Variants in JUND observed in about 807,000 individuals in gnomAD.
JUND encodes transcription factor JunD.
Under a neutral mutation model 7.1 loss-of-function variants are expected in JUND, and 2 were observed. The ratio of observed to expected loss-of-function variants is 0.28; its 90% CI spans 0.11 to 0.88. JUND has a LOEUF of 0.88. Ranked by LOEUF, JUND falls within the 40% of genes least tolerant of loss-of-function variation. JUND has a pLI of 0.60. For synonymous variants in JUND, 335 were observed against 263.2 expected (o/e 1.27, Z -2.64); for missense variants, 479 against 519.1 (o/e 0.92, Z 0.75).
rs1229631119 is a variant in JUND, at chr19:18,281,517, G to A, written c.-33C>T. The A allele has an allele frequency of 1.1e-5, 13 of 1,193,136 alleles. No individual in the cohort carries two copies. In the Admixed American group the frequency reaches 4.1e-4, roughly 37 times the overall value. The allele number at this position is 1,193,136 out of a possible 1,614,324, so 73.9% of individuals were successfully genotyped here. On this transcript the variant is annotated 5_prime_UTR_variant, in exon 1 of 1. Coordinates refer to ENST00000252818, the MANE Select transcript of JUND (RefSeq NM_005354.6). ...CTCCCCCGCCGCGCCGGCCCGGGGG[G>A]GAGTGGCCGCGGCCTCCCGGGGGGC...
Position 18,281,452 on chromosome 19 carries a change from C to G in JUND, c.33G>C (p.Leu11=), listed in dbSNP as rs1230445348. 7.3e-7 allele frequency: 1 copy of G among 1,370,078 alleles called. No individual in the cohort carries two copies. The highest frequency in any genetic ancestry group is 1.5e-5 in the African/African-American group (1 of 65,234). 84.9% of individuals were successfully genotyped at this position (1,370,078 alleles called of 1,614,324 possible). The change falls in exon 1 of 1, where the codon CTG becomes CTC. Residue 11 remains leucine (L), a synonymous_variant. Transcript: ENST00000252818. ...CACTGGCGCCGCCGCCCAGGCCGCT[C>G]AGCGCCTCATCGCCGTAGAAGGGTG... METPFYGDEA[L]SGLGGGASGS...
Position 18,280,985 on chromosome 19 carries a change from CCGGCGGCGGCGG to C in JUND, c.488_499del (p.Ala163_Ala166del), listed in dbSNP as rs529130306. 10 of 1,142,810 alleles carry C rather than the reference CCGGCGGCGGCGG, an allele frequency of 8.8e-6. No homozygotes were observed. The highest frequency in any genetic ancestry group is 9.6e-6 in the Non-Finnish European group (9 of 934,122). 70.8% of individuals were successfully genotyped at this position (1,142,810 alleles called of 1,614,324 possible). On this transcript the variant is annotated inframe_deletion, in exon 1 of 1. Coordinates refer to ENST00000252818, the MANE Select transcript of JUND (RefSeq NM_005354.6). The surrounding 1 kb of genome is among the most constrained non-coding windows in gnomAD (Gnocchi z 4.1). ...GCCCGTGGCCGTGCCCGAGGGCCCC[CCGGCGGCGGCGG>C]CGGCGGCGGCAGCGGCCGCGCCCGC...
Position 18,280,995 on chromosome 19 carries a change from C to CGGA in JUND, c.489_490insTCC (p.Ala163_Ala164insSer), listed in dbSNP as rs1184429977. The CGGA allele has an allele frequency of 8.3e-7, 1 of 1,201,672 alleles. No individual in the cohort carries two copies. Among genetic ancestry groups the CGGA allele is most frequent in the African/African-American group, 1.7e-5 (1 of 60,586 alleles). 74.4% of individuals were successfully genotyped at this position (1,201,672 alleles called of 1,614,324 possible). A position where few individuals can be genotyped will look rare whatever the true frequency, so the allele number is the denominator to read the frequency against. The stretch of plus-strand genomic sequence containing the variant: ...GTGCCCGAGGGCCCCCCGGCGGCGG[C>CGGA]GGCGGCGGCGGCAGCGGCCGCGCCC... On this transcript the variant is annotated inframe_insertion, in exon 1 of 1. Coordinates refer to ENST00000252818, the MANE Select transcript of JUND (RefSeq NM_005354.6). This position sits in a 1 kb window ranked among gnomAD's most constrained non-coding sequence, Gnocchi z 4.1.
In JUND at chr19:18,281,549, C is replaced by A. The variant is rs1366259444; in HGVS notation, c.-65G>T. On this transcript the variant is annotated 5_prime_UTR_variant, in exon 1 of 1. Coordinates refer to ENST00000252818, the MANE Select transcript of JUND (RefSeq NM_005354.6). Reference sequence around the variant, plus strand: ...CCGCGGCCTCCCGGGGGGCCCGCGCCCCCCCGTCCGCTCGGCCCTGCGCCC... The same window carrying A: ...CCGCGGCCTCCCGGGGGGCCCGCGCACCCCCGTCCGCTCGGCCCTGCGCCC... The A allele has an allele frequency of 3.7e-6, 3 of 807,912 alleles. No homozygotes were observed. The highest frequency in any genetic ancestry group is 5.0e-4 in the Middle Eastern group (1 of 1,990). 50.0% of individuals were successfully genotyped at this position (807,912 alleles called of 1,614,324 possible).
In JUND at chr19:18,280,663, C is replaced by T. The variant is rs1391499256; in HGVS notation, c.822G>A (p.Lys274=). ...AGGCGGCGATGCGGTTGCGCAGCCG[C>T]TTGCGCTCCGCCTTGATGCGCTCCT... ...DTQERIKAER[K]RLRNRIAASK... is the part of the protein sequence containing the mutation. The change falls in exon 1 of 1, where the codon AAG becomes AAA. Residue 274 remains lysine, a synonymous_variant. Coordinates refer to ENST00000252818, the MANE Select transcript of JUND (RefSeq NM_005354.6). This position sits in a 1 kb window ranked among gnomAD's most constrained non-coding sequence, Gnocchi z 4.1. 2.5e-6 allele frequency: 4 copies of T among 1,612,466 alleles called. No homozygotes were observed. The East Asian group carries it at 6.7e-5, about 27-fold the overall frequency.
In JUND at chr19:18,280,588, T is replaced by C. The variant is rs1600146926; in HGVS notation, c.897A>G (p.Lys299=). 3 of 1,612,974 alleles carry C rather than the reference T, an allele frequency of 1.9e-6. No individual in the cohort carries two copies. Among genetic ancestry groups the C allele is most frequent in the South Asian group, 1.1e-5 (1 of 91,076 alleles). Residue 299 remains lysine (K), a synonymous_variant, in exon 1 of 1, where the codon AAA becomes AAG. Coordinates refer to ENST00000252818, the MANE Select transcript of JUND (RefSeq NM_005354.6). The surrounding 1 kb of genome is among the most constrained non-coding windows in gnomAD (Gnocchi z 4.1). ...TGTTCTGACTCTTGAGGGTCTTCAC[T>C]TTCTCTTCCAGGCGCGAGATGCGCT... ...KLERISRLEE[K]VKTLKSQNTE...
chr19:18,281,167 G>A lies in JUND; in HGVS notation c.318C>T (p.Leu106=). 1 of 1,564,254 alleles carries A rather than the reference G, an allele frequency of 6.4e-7. No homozygotes were observed. Among genetic ancestry groups the A allele is most frequent in the South Asian group, 1.2e-5 (1 of 86,226 alleles). The part of the protein sequence containing the change: ...LKLASPELER[L]IIQSNGLVTT... ...TGACCAGCCCGTTGGACTGGATGAT[G>A]AGGCGCTCGAGCTCGGGGGAGGCCA... Residue 106 remains leucine, a synonymous_variant, in exon 1 of 1, where the codon CTC becomes CTT. Coordinates refer to ENST00000252818, the MANE Select transcript of JUND (RefSeq NM_005354.6).
rs771391882 is a variant in JUND at position 18,280,705 on chromosome 19, G to T, written c.780C>A (p.Pro260=). The change falls in exon 1 of 1, where the codon CCC becomes CCA. Residue 260 remains proline (P), a synonymous_variant. Transcript: ENST00000252818. The surrounding 1 kb of genome is among the most constrained non-coding windows in gnomAD (Gnocchi z 4.1). ...PSFGESPPLS[P]IDMDTQERIK... is the part of the protein sequence containing the mutation. ...TGCGCTCCTGCGTGTCCATGTCGAT[G>T]GGCGACAACGGCGGGCTCTCGCCGA... The T allele has an allele frequency of 3.7e-6, 6 of 1,611,962 alleles. No individual in the cohort carries two copies. In the South Asian group the frequency reaches 4.4e-5, roughly 12 times the overall value.
In JUND at chr19:18,281,327, C is replaced by T. The variant is rs948335171; in HGVS notation, c.158G>A (p.Ser53Asn). The T allele has an allele frequency of 1.2e-5, 16 of 1,365,284 alleles. No homozygotes were observed. The Admixed American group carries it at 4.8e-4, about 41-fold the overall frequency. The allele number at this position is 1,365,284 out of a possible 1,614,324, so 84.6% of individuals were successfully genotyped here. A position where few individuals can be genotyped will look rare whatever the true frequency, so the allele number is the denominator to read the frequency against. ...SMMKKDALTL[S>N]LSEQVAAALK... Reference sequence around the variant, plus strand: ...CGCTGCCGCCACCTGCTCACTCAGGCTCAGCGTCAGCGCGTCCTTCTTCAT... The same window carrying T: ...CGCTGCCGCCACCTGCTCACTCAGGTTCAGCGTCAGCGCGTCCTTCTTCAT... Residue 53 changes from serine (S) to asparagine (N), a missense_variant, in exon 1 of 1, where the codon AGC becomes AAC. By Grantham distance (46) the Ser-to-Asn change is conservative. Transcript: ENST00000252818.
chr19:18,280,467 G>A lies in JUND; in HGVS notation c.1018C>T (p.Pro340Ser), dbSNP rs762248914. The change falls in exon 1 of 1, where the codon CCC (proline) becomes TCC (serine). Residue 340 changes from proline to serine, a missense_variant. Pro to Ser is a moderately conservative substitution (Grantham distance 74). This residue lies in a region of JUND where 42 missense variants were observed against 37.1 expected (regional missense o/e 1.13). Coordinates refer to ENST00000252818, the MANE Select transcript of JUND (RefSeq NM_005354.6). This position sits in a 1 kb window ranked among gnomAD's most constrained non-coding sequence, Gnocchi z 4.1. ...CAGTACGCGGGCACCTGGTGCTGGG[G>A]CAGCAGCTGGCAGCCGCTGTTGACG... ...SHVNSGCQLL[P>S]QHQVPAY 4.7e-5 allele frequency: 74 copies of A among 1,567,612 alleles called. No homozygotes were observed. The highest frequency in any genetic ancestry group is 6.2e-5 in the Non-Finnish European group (72 of 1,156,778).
Position 18,281,384 on chromosome 19 carries a change from C to T in JUND, c.101G>A (p.Gly34Glu). ...SFASPGRLFPGAPPTAAAGSM... is the reference protein window; with the variant it reads ...SFASPGRLFPEAPPTAAAGSM... ...GCCGGCCGCGGCCGTCGGGGGCGCC[C>T]CGGGGAACAAGCGGCCCGGGGACGC... is the stretch of plus-strand genomic sequence containing the variant. The change falls in exon 1 of 1, where the codon GGG becomes GAG. Residue 34 changes from glycine (G) to glutamate (E), a missense_variant. Coordinates refer to ENST00000252818, the MANE Select transcript of JUND (RefSeq NM_005354.6). 7.4e-7 allele frequency: 1 copy of T among 1,347,804 alleles called. No homozygotes were observed. The highest frequency in any genetic ancestry group is 9.4e-7 in the Non-Finnish European group (1 of 1,059,568). 83.5% of individuals were successfully genotyped at this position (1,347,804 alleles called of 1,614,324 possible). A position where few individuals can be genotyped will look rare whatever the true frequency, so the allele number is the denominator to read the frequency against.
Position 18,280,467 on chromosome 19 carries a change from G to C in JUND, c.1018C>G (p.Pro340Ala). The change falls in exon 1 of 1, where the codon CCC becomes GCC. Residue 340 changes from proline to alanine, a missense_variant. Around this residue, in one of 3 missense-constraint regions of JUND, gnomAD observed 42 missense variants for 37.1 expected, o/e 1.13. Transcript: ENST00000252818. This position sits in a 1 kb window ranked among gnomAD's most constrained non-coding sequence, Gnocchi z 4.1. ...SHVNSGCQLL[P>A]QHQVPAY ...CAGTACGCGGGCACCTGGTGCTGGG[G>C]CAGCAGCTGGCAGCCGCTGTTGACG... 3 of 1,567,730 alleles carry C rather than the reference G, an allele frequency of 1.9e-6. No individual in the cohort carries two copies.
chr19:18,281,503 C>G lies in JUND; in HGVS notation c.-19G>C. On this transcript the variant is annotated 5_prime_UTR_variant, in exon 1 of 1. Transcript: ENST00000252818. Reference sequence around the variant, plus strand: ...TTTCCATCCTCCGCCTCCCCCGCCGCGCCGGCCCGGGGGGGAGTGGCCGCG... The same window carrying G: ...TTTCCATCCTCCGCCTCCCCCGCCGGGCCGGCCCGGGGGGGAGTGGCCGCG... The G allele has an allele frequency of 1.6e-6, 2 of 1,257,168 alleles. No homozygotes were observed. The highest frequency in any genetic ancestry group is 2.0e-6 in the Non-Finnish European group (2 of 1,002,020). The allele number at this position is 1,257,168 out of a possible 1,614,324, so 77.9% of individuals were successfully genotyped here. A position where few individuals can be genotyped will look rare whatever the true frequency, so the allele number is the denominator to read the frequency against.
In JUND at chr19:18,281,218, G is replaced by A. The variant is rs768169580; in HGVS notation, c.267C>T (p.Ala89=). The A allele has an allele frequency of 2.1e-5, 32 of 1,504,238 alleles. No homozygotes were observed. The highest frequency in any genetic ancestry group is 1.2e-4 in the South Asian group (10 of 81,280). The allele number at this position is 1,504,238 out of a possible 1,614,324, so 93.2% of individuals were successfully genotyped here. A position where few individuals can be genotyped will look rare whatever the true frequency, so the allele number is the denominator to read the frequency against. The change falls in exon 1 of 1, where the codon GCC becomes GCT. Residue 89 remains alanine (A), a synonymous_variant. Coordinates refer to ENST00000252818, the MANE Select transcript of JUND (RefSeq NM_005354.6). ...PSAAPPDGLL[A]SPDLGLLKLA... is the part of the protein sequence containing the mutation. Reference sequence around the variant, plus strand: ...GCTTCAGCAGCCCCAGGTCGGGAGAGGCGAGCAGGCCGTCGGGGGGTGCCG... The same window carrying A: ...GCTTCAGCAGCCCCAGGTCGGGAGAAGCGAGCAGGCCGTCGGGGGGTGCCG...
Position 18,281,382 on chromosome 19 carries a change from C to T in JUND, c.103G>A (p.Ala35Thr). Residue 35 changes from alanine (A) to threonine (T), a missense_variant, in exon 1 of 1, where the codon GCG (alanine) becomes ACG (threonine). This residue lies in a region of JUND where 374 missense variants were observed against 365.4 expected (regional missense o/e 1.02). Coordinates refer to ENST00000252818, the MANE Select transcript of JUND (RefSeq NM_005354.6). ...FASPGRLFPG[A>T]PPTAAAGSMM... Reference sequence around the variant, plus strand: ...CTGCCGGCCGCGGCCGTCGGGGGCGCCCCGGGGAACAAGCGGCCCGGGGAC... The same window carrying T: ...CTGCCGGCCGCGGCCGTCGGGGGCGTCCCGGGGAACAAGCGGCCCGGGGAC... The T allele has an allele frequency of 1.5e-6, 2 of 1,346,956 alleles. No individual in the cohort carries two copies. The highest frequency in any genetic ancestry group is 3.8e-5 in the South Asian group (2 of 52,952). 83.4% of individuals were successfully genotyped at this position (1,346,956 alleles called of 1,614,324 possible). A position where few individuals can be genotyped will look rare whatever the true frequency, so the allele number is the denominator to read the frequency against.
rs1270569677 is a variant in JUND, at chr19:18,280,579, G to A, written c.906C>T (p.Thr302=). ...RISRLEEKVK[T]LKSQNTELAS... The stretch of plus-strand genomic sequence containing the variant: ...CCAGCTCCGTGTTCTGACTCTTGAG[G>A]GTCTTCACTTTCTCTTCCAGGCGCG... The change falls in exon 1 of 1, where the codon ACC becomes ACT. Residue 302 remains threonine (T), a synonymous_variant. Transcript: ENST00000252818. The surrounding 1 kb of genome is among the most constrained non-coding windows in gnomAD (Gnocchi z 4.1). 2.5e-6 allele frequency: 4 copies of A among 1,613,032 alleles called. No homozygotes were observed. Among genetic ancestry groups the A allele is most frequent in the African/African-American group, 1.3e-5 (1 of 75,054 alleles).
In JUND at chr19:18,280,796, G is replaced by A; in HGVS notation, c.689C>T (p.Ala230Val). 6.3e-7 allele frequency: 1 copy of A among 1,577,340 alleles called. No homozygotes were observed. Among genetic ancestry groups the A allele is most frequent in the Non-Finnish European group, 8.5e-7 (1 of 1,170,364 alleles). ...VPFPPPPPPG[A>V]LGPPRLAALK... ...CGCAGCCAGGCGCGGCGGCCCCAAC[G>A]CGCCTGGGGGTGGCGGCGGCGGGAA... is the stretch of plus-strand genomic sequence containing the variant. Residue 230 changes from alanine (A) to valine (V), a missense_variant, in exon 1 of 1, where the codon GCG becomes GTG. Physicochemically the swap from Ala to Val is moderately conservative, Grantham distance 64 (BLOSUM62 0). Transcript: ENST00000252818. The surrounding 1 kb of genome is among the most constrained non-coding windows in gnomAD (Gnocchi z 4.1).
rs1375291694 is a variant in JUND, at chr19:18,280,562, G to A, written c.923C>T (p.Thr308Met). 1.9e-6 allele frequency: 3 copies of A among 1,612,668 alleles called. No homozygotes were observed. The highest frequency in any genetic ancestry group is 1.3e-5 in the African/African-American group (1 of 74,928). ...EKVKTLKSQNTELASTASLLR... is the reference protein window; with the variant it reads ...EKVKTLKSQNMELASTASLLR... Reference sequence around the variant, plus strand: ...CAGGCTCGCCGTGGACGCCAGCTCCGTGTTCTGACTCTTGAGGGTCTTCAC... The same window carrying A: ...CAGGCTCGCCGTGGACGCCAGCTCCATGTTCTGACTCTTGAGGGTCTTCAC... The change falls in exon 1 of 1, where the codon ACG (threonine) becomes ATG (methionine). Residue 308 changes from threonine (T) to methionine (M), a missense_variant. Thr to Met is a moderately conservative substitution (Grantham distance 81). Around this residue, in one of 3 missense-constraint regions of JUND, gnomAD observed 63 missense variants for 116.6 expected, o/e 0.54. Coordinates refer to ENST00000252818, the MANE Select transcript of JUND (RefSeq NM_005354.6). This position sits in a 1 kb window ranked among gnomAD's most constrained non-coding sequence, Gnocchi z 4.1.
chr19:18,280,274 CGG>C lies in JUND; in HGVS notation c.*165_*166del, dbSNP rs71717206. 2.9e-5 allele frequency: 18 copies of C among 615,438 alleles called. No individual in the cohort carries two copies. Among genetic ancestry groups the C allele is most frequent in the African/African-American group, 8.1e-5 (4 of 49,436 alleles). The allele number at this position is 615,438 out of a possible 1,614,324, so 38.1% of individuals were successfully genotyped here. ...CAGCTTGTCGAGTCCTGGGCACCCT[CGG>C]GGGGGGGGAATCCCCGGGGGCCGCG... On this transcript the variant is annotated 3_prime_UTR_variant, in exon 1 of 1. Coordinates refer to ENST00000252818, the MANE Select transcript of JUND (RefSeq NM_005354.6). This position sits in a 1 kb window ranked among gnomAD's most constrained non-coding sequence, Gnocchi z 4.1.
Sources: allele counts gnomAD v4.1 joint callset, GRCh38; gene constraint gnomAD v4.1.1; regional missense constraint gnomAD v4.1.1; non-coding constraint Gnocchi (gnomAD v3.1); transcripts MANE v1.5; gene names NCBI Gene and HGNC (gene_info 2026-07-23, HGNC 2026-07-21).